The following ABCA13 variants were observed in gnomAD, a reference collection of about 807,000 sequenced individuals.
The protein encoded by ABCA13 is ATP-binding cassette sub-family A member 13.
In ABCA13, 476 loss-of-function variants were observed where a neutral mutation model predicts 478.7. The ratio of observed to expected loss-of-function variants is 0.99; its 90% CI spans 0.92 to 1.07. The LOEUF (loss-of-function observed/expected upper bound fraction) is 1.07, where lower values mean the gene tolerates loss of function less well. ABCA13 is among the 50% of genes least tolerant of loss of function. The probability of loss-of-function intolerance (pLI) is 0.00; values close to 1 mark genes in which losing one functional copy is unlikely to be tolerated. For missense variants in ABCA13, 6,060 were observed against 5,910.6 expected (o/e 1.03, Z -0.83); for synonymous variants, 2,252 against 2,158.9 (o/e 1.04, Z -1.20).
Position 48,619,766 on chromosome 7 carries a change from C to T in ABCA13, c.14837+4389C>T, listed in dbSNP as rs182741006. Among the ~76,000 whole-genome samples, 36 of 152,200 alleles carry T rather than the reference C, an allele frequency of 2.4e-4. No individual in the cohort carries two copies. In the East Asian group the frequency reaches 6.6e-3, roughly 28 times the overall value. On this transcript the variant is annotated intron_variant, in intron 59 of 61. Coordinates refer to ENST00000435803, the MANE Select transcript of ABCA13 (RefSeq NM_152701.5). ...ACACATCCAGTTTGTTGGTAAAGGG[C>T]GATTTCCTGGGGTCACTTATGAATG...
chr7:48,489,368 T>C (rs529477937), intron 48 of ABCA13, 24 bp downstream of exon 48: 60 of 1,524,152 alleles, frequency 3.9e-5, no homozygotes, highest in Non-Finnish European at 5.4e-5. Context: ...TCATGCATTG[T>C]AATTCACTAC....
chr7:48,312,036 C>T (rs1381059725), intron 24 of ABCA13, among the ~76,000 whole-genome samples: 4 of 152,120 alleles, frequency 2.6e-5, no homozygotes, highest in African/African-American at 9.7e-5. Context: ...GTGACAAAAG[C>T]TACACACCAT....
intron 59 of ABCA13, among the ~76,000 whole-genome samples, chr7:48,619,264 T>A (rs927409170): frequency 1.3e-5 from 2 of 152,162 alleles, no homozygotes; most frequent in Non-Finnish European, 2.9e-5. Flanking sequence ...ACCCCTGATC[T>A]ATGGATAACC....
chr7:48,241,208 G>A, intron 10 of ABCA13, 142 bp downstream of exon 10: 1 of 1,079,902 alleles, frequency 9.3e-7, no homozygotes, highest in Admixed American at 2.2e-5. Context: ...GAAATCAGAG[G>A]CTTTCATTGT....
intron 18 of ABCA13, among the ~76,000 whole-genome samples, chr7:48,280,532 A>G (rs146089262): frequency 2.7e-4 from 41 of 152,228 alleles, no homozygotes; most frequent in African/African-American, 9.9e-4. Context: ...GTGCCTCTTG[A>G]TGTGCAGAGG....
At chr7:48,449,887 G>T (rs1824776871) in intron 42 of ABCA13, among the ~76,000 whole-genome samples, 4 of 151,976 alleles carry the variant, frequency 2.6e-5, no homozygotes, top group Non-Finnish European at 5.9e-5. Flanking sequence ...TCACACTCTG[G>T]TTACCCTCCC....
rs74566431 is a variant in ABCA13, at chr7:48,251,160, G to A, written c.2005+1809G>A. On this transcript the variant is annotated intron_variant, in intron 15 of 61. Coordinates refer to ENST00000435803, the MANE Select transcript of ABCA13 (RefSeq NM_152701.5). Reference sequence around the variant, plus strand: ...GGGTTGATGGTAACTTCTCCAATGAGTTGGCCATGTTCTTCTGGGTTGAGT... The same window carrying A: ...GGGTTGATGGTAACTTCTCCAATGAATTGGCCATGTTCTTCTGGGTTGAGT... Among the ~76,000 whole-genome samples the A allele has an allele frequency of 3.7e-3, 562 of 152,184 alleles. 1 individual carries two copies. Among genetic ancestry groups the A allele is most frequent in the African/African-American group, 0.012 (490 of 41,528 alleles).
At chr7:48,539,264 A>G (rs1341383940) in intron 55 of ABCA13, among the ~76,000 whole-genome samples, 1 of 151,364 alleles carries the variant, frequency 6.6e-6, no homozygotes, top group East Asian at 1.9e-4. Context: ...TAAAAATAAT[A>G]AATATTAAAA....
At chr7:48,544,359 C>A (rs930443389) in intron 55 of ABCA13, among the ~76,000 whole-genome samples, 1 of 151,816 alleles carries the variant, frequency 6.6e-6, no homozygotes, top group Non-Finnish European at 1.5e-5. Flanking sequence ...CTGGCAGCCT[C>A]TAGGTCACTT....
At chr7:48,294,547 C>T (rs1799097536) in intron 20 of ABCA13, among the ~76,000 whole-genome samples, 2 of 150,976 alleles carry the variant, frequency 1.3e-5, no homozygotes, top group South Asian at 2.1e-4. Context: ...CCCGGGTTCA[C>T]GCCATTCTCC....
In ABCA13 at chr7:48,269,015, A is replaced by G. The variant is rs1486017977; in HGVS notation, c.2041A>G (p.Met681Val). ...GGAATCTCCTTGTTTTGAAGAAAACATGGATTGGAAAATGATCAGTGATAA... is the reference window on the plus strand; with the variant it reads ...GGAATCTCCTTGTTTTGAAGAAAACGTGGATTGGAAAATGATCAGTGATAA... ...PEESPCFEEN[M>V]DWKMISDNYF... The change falls in exon 16 of 62, where the codon ATG becomes GTG. Residue 681 changes from methionine to valine, a missense_variant. Coordinates refer to ENST00000435803, the MANE Select transcript of ABCA13 (RefSeq NM_152701.5). 12 of 1,599,116 alleles carry G rather than the reference A, an allele frequency of 7.5e-6. No individual in the cohort carries two copies. Among genetic ancestry groups the G allele is most frequent in the Admixed American group, 1.7e-5 (1 of 59,524 alleles).
chr7:48,342,144 T>C (rs747926129), intron 29 of ABCA13, among the ~76,000 whole-genome samples: 2 of 152,056 alleles, frequency 1.3e-5, no homozygotes, highest in Non-Finnish European at 2.9e-5. Context: ...TTATTTATCT[T>C]TGGGTTAATG....
chr7:48,628,553 A>G (rs1359556690), intron 59 of ABCA13, among the ~76,000 whole-genome samples: 1 of 152,182 alleles, frequency 6.6e-6, no homozygotes, highest in Non-Finnish European at 1.5e-5. Flanking sequence ...TTTAAACATT[A>G]ACATCCTTAC....
intron 1 of ABCA13, among the ~76,000 whole-genome samples, chr7:48,190,426 C>T (rs1178892300): frequency 6.6e-6 from 1 of 152,152 alleles, no homozygotes; most frequent in African/African-American, 2.4e-5. Context: ...TCATGCTACA[C>T]ATATGTCTGA....
chr7:48,584,691 A>G (rs926574800), intron 56 of ABCA13, among the ~76,000 whole-genome samples: 9 of 152,182 alleles, frequency 5.9e-5, no homozygotes, highest in African/African-American at 1.9e-4. Flanking sequence ...TTAATCTTTC[A>G]CAAATATATG....
rs1369965227 is a variant in ABCA13 at position 48,272,953 on chromosome 7, A to G, written c.3287A>G (p.Asp1096Gly). 5 of 1,613,318 alleles carry G rather than the reference A, an allele frequency of 3.1e-6. No individual in the cohort carries two copies. Among genetic ancestry groups the G allele is most frequent in the Admixed American group, 1.7e-5 (1 of 59,912 alleles). The change falls in exon 17 of 62, where the codon GAT (aspartate) becomes GGT (glycine). Residue 1096 changes from aspartate to glycine, a missense_variant. By Grantham distance (94) the Asp-to-Gly change is moderately conservative. Transcript: ENST00000435803. ...AACAGTTCAGTAGAAGACCTATTGG[A>G]TAATAAATGCTTGATTTCGGACAAT... The part of the protein sequence containing the change: ...FFNSSVEDLL[D>G]NKCLISDNKH...
Position 48,274,669 on chromosome 7 carries a change from G to A in ABCA13, c.5003G>A (p.Arg1668His), listed in dbSNP as rs566240276. Residue 1668 changes from arginine to histidine, a missense_variant, in exon 17 of 62, where the codon CGT (arginine) becomes CAT (histidine). By Grantham distance (29) the Arg-to-His change is conservative. Around this residue, in one of 3 missense-constraint regions of ABCA13, gnomAD observed 4,423 missense variants for 4,309.1 expected, o/e 1.03. Transcript: ENST00000435803. ...QALKKVTSVM[R>H]TLKKADIDLL... The stretch of plus-strand genomic sequence containing the variant: ...TTGAAGAAGGTAACTTCTGTCATGC[G>A]TACCCTTAAGAAGGCAGACATAGAC... The A allele has an allele frequency of 3.9e-5, 63 of 1,613,936 alleles. No individual in the cohort carries two copies. Among genetic ancestry groups the A allele is most frequent in the East Asian group, 1.1e-4 (5 of 44,874 alleles).
chr7:48,574,142 G>A (rs1457535570), intron 55 of ABCA13, among the ~76,000 whole-genome samples: 1 of 152,090 alleles, frequency 6.6e-6, no homozygotes, highest in Non-Finnish European at 1.5e-5. Context: ...GATGGGACAC[G>A]ATTCAACCCA....
chr7:48,291,078 C>T (rs528290896), intron 20 of ABCA13, among the ~76,000 whole-genome samples: 105 of 152,034 alleles, frequency 6.9e-4, no homozygotes, highest in African/African-American at 2.5e-3. Context: ...ATCTCTCTGC[C>T]TTGCAGATGC....
Sources: gnomAD v4.1 joint callset for allele counts (sites outside exome capture counted in the v4.1 genomes callset) on GRCh38, gnomAD v4.1.1 for gene constraint, gnomAD v4.1.1 regional missense constraint, MANE v1.5 for transcripts, NCBI Gene and HGNC (gene_info 2026-07-23, HGNC 2026-07-21) for gene names.